IL3RA: variants seen among roughly 807,000 people sequenced by gnomAD.
The protein encoded by IL3RA is interleukin-3 receptor subunit alpha.
In IL3RA, 73 loss-of-function variants were observed where a neutral mutation model predicts 52.3. The ratio of observed to expected loss-of-function variants is 1.40; its 90% CI spans 1.16 to 1.70. The LOEUF (loss-of-function observed/expected upper bound fraction) is 1.70, where lower values mean the gene tolerates loss of function less well. Among genes scored for constraint, IL3RA ranks in the 40% most tolerant of loss-of-function variants. The pLI, the probability that IL3RA is intolerant of heterozygous loss-of-function variation, is 0.00. For synonymous variants in IL3RA, 260 were observed against 194.0 expected, an observed-to-expected ratio of 1.34 and a Z score of -2.83; for missense variants, 664 against 504.4, an observed-to-expected ratio of 1.32 and a Z score of -3.03.
rs200079536 is a variant in IL3RA at position 1,352,310 on chromosome X, C to T, written c.432-12C>T. On this transcript the variant is annotated splice_polypyrimidine_tract_variant and intron_variant, in intron 5 of 11. Coordinates refer to ENST00000331035, the MANE Select transcript of IL3RA (RefSeq NM_002183.4). ...GCGTGGGGTCGTCCCCCAACCTTAC[C>T]GCTTACCGCAGCAGGCGTCAACAGT... is the stretch of plus-strand genomic sequence containing the variant. 1.4e-4 allele frequency: 219 copies of T among 1,613,534 alleles called. No homozygotes were observed. Among genetic ancestry groups the T allele is most frequent in the Admixed American group, 1.2e-4 (7 of 59,994 alleles).
Position 1,345,318 on chromosome X carries a change from C to G in IL3RA, c.67C>G (p.Pro23Ala). 6.2e-7 allele frequency: 1 copy of G among 1,607,192 alleles called. No homozygotes were observed. The highest frequency in any genetic ancestry group is 8.5e-7 in the Non-Finnish European group (1 of 1,175,804). ...LPCLLQTKEDPNPPITNLRMK... is the reference protein window; with the variant it reads ...LPCLLQTKEDANPPITNLRMK... ...ACTCCAACCTGTCACCGTTTTAGAT[C>G]CAAACCCACCAATCACGAACCTAAG... The change falls in exon 3 of 12, where the codon CCA becomes GCA. Residue 23 changes from proline (P) to alanine (A), a missense_variant and splice_region_variant. Physicochemically the swap from Pro to Ala is conservative, Grantham distance 27. Coordinates refer to ENST00000331035, the MANE Select transcript of IL3RA (RefSeq NM_002183.4).
intron 3 of IL3RA, among the ~76,000 whole-genome samples, chrX:1,345,760 G>C (rs1164540217): frequency 1.1e-4 from 16 of 151,910 alleles, no homozygotes; most frequent in Non-Finnish European, 2.1e-4. Flanking sequence ...AAAGTGCTGG[G>C]ATTACAGGCG....
chrX:1,352,839 CCCATCATGGGTT>C (rs2086180103), intron 6 of IL3RA, among the ~76,000 whole-genome samples: 4 of 151,764 alleles, frequency 2.6e-5, no homozygotes, highest in Admixed American at 1.3e-4. Context: ...CATGGGACCC[CCCATCATGGGTT>C]CCATCATGGG....
intron 7 of IL3RA, 109 bp from the exon 8 acceptor site, chrX:1,358,752 G>T: frequency 8.6e-7 from 1 of 1,168,296 alleles, no homozygotes. Flanking sequence ...CCTTCCCAGA[G>T]CCCTCACTGT....
chrX:1,351,102 GAGGCTGAGGC>G (rs2086064251), intron 4 of IL3RA, among the ~76,000 whole-genome samples: 2 of 151,924 alleles, frequency 1.3e-5, no homozygotes, highest in Admixed American at 1.3e-4. Context: ...AGATACTTGG[GAGGCTGAGGC>G]AGGAGAATTG....
intron 9 of IL3RA, among the ~76,000 whole-genome samples, chrX:1,367,622 G>C (rs1390910491): frequency 9.3e-6 from 1 of 107,312 alleles, no homozygotes; most frequent in Non-Finnish European, 1.9e-5. Context: ...GGGTGCGCGG[G>C]GTGAGCGGGG....
chrX:1,353,272 A>G (rs111957995), intron 6 of IL3RA, among the ~76,000 whole-genome samples: 981 of 13,708 alleles, frequency 0.072, 10 homozygotes, highest in Middle Eastern at 0.17. Context: ...CTTATCATGG[A>G]TTCCATCATG....
At chrX:1,366,882 G>C (rs1176697387) in intron 9 of IL3RA, among the ~76,000 whole-genome samples, 5 of 27,286 alleles carry the variant, frequency 1.8e-4, no homozygotes, top group Non-Finnish European at 2.0e-4. Flanking sequence ...CGGGGTGAGC[G>C]GGGTGCGCGG....
chrX:1,364,618 G>A (rs1476507357), intron 8 of IL3RA, among the ~76,000 whole-genome samples: 1 of 150,796 alleles, frequency 6.6e-6, no homozygotes, highest in African/African-American at 2.4e-5. Context: ...CCAAAGACAT[G>A]TGTCACCACG....
intron 9 of IL3RA, among the ~76,000 whole-genome samples, chrX:1,377,647 G>T (rs2088867944): frequency 6.6e-6 from 1 of 151,430 alleles, no homozygotes; most frequent in African/African-American, 2.4e-5. Context: ...TAGGTTCTGG[G>T]GGTGAGGTCA....
intron 10 of IL3RA, among the ~76,000 whole-genome samples, chrX:1,380,353 A>G (rs776524128): frequency 2.3e-5 from 3 of 130,238 alleles, no homozygotes; most frequent in Non-Finnish European, 4.8e-5. Flanking sequence ...CCTGCTGGGC[A>G]TCAGAGCTTC....
At chrX:1,349,664 T>C (rs2085991774) in intron 4 of IL3RA, among the ~76,000 whole-genome samples, 1 of 151,442 alleles carries the variant, frequency 6.6e-6, no homozygotes, top group East Asian at 2.0e-4. Context: ...TTTTGTTTTG[T>C]TTTGTTTGTT....
In IL3RA at chrX:1,382,371, G is replaced by C. The variant is rs764774464; in HGVS notation, c.1063-20G>C. 1.2e-6 allele frequency: 2 copies of C among 1,610,928 alleles called. No homozygotes were observed. The highest frequency in any genetic ancestry group is 4.5e-5 in the East Asian group (2 of 44,854). ...ATCTGGGGGGTGGCCGACTCACCCT[G>C]CCTCCTCTCGTCTCTGCAGGTGGTC... is the stretch of plus-strand genomic sequence containing the variant. On this transcript the variant is annotated intron_variant, in intron 11 of 11. Coordinates refer to ENST00000331035, the MANE Select transcript of IL3RA (RefSeq NM_002183.4).
chrX:1,354,725 G>C (rs1166067712), intron 6 of IL3RA, among the ~76,000 whole-genome samples: 12 of 126,952 alleles, frequency 9.5e-5, no homozygotes, highest in Admixed American at 7.9e-4. Context: ...AGGGAAAGGA[G>C]GGGGAGGAGG....
At chrX:1,361,718 A>C (rs370275940) in intron 8 of IL3RA, among the ~76,000 whole-genome samples, 2 of 140,440 alleles carry the variant, frequency 1.4e-5, no homozygotes, top group Admixed American at 8.0e-5. Flanking sequence ...GCGCCACTGC[A>C]CTCCAGCCTG....
intron 2 of IL3RA, among the ~76,000 whole-genome samples, chrX:1,344,342 G>A (rs1209903280): frequency 6.6e-6 from 1 of 151,962 alleles, no homozygotes; most frequent in Non-Finnish European, 1.5e-5. Flanking sequence ...GCTGACACAG[G>A]ATAATCGCTT....
At chrX:1,382,318 C>T in intron 11 of IL3RA, 73 bp from the exon 12 acceptor site, 2 of 908,130 alleles carry the variant, frequency 2.2e-6, no homozygotes, top group Non-Finnish European at 3.0e-6. Flanking sequence ...TGGGACAGGC[C>T]CCCGCAGATC....
chrX:1,348,337 G>A (rs1371069656), intron 3 of IL3RA, 94 bp from the exon 4 acceptor site: 11 of 972,292 alleles, frequency 1.1e-5, no homozygotes, highest in African/African-American at 9.6e-5. Flanking sequence ...TGGGCGACGA[G>A]AGCGAAACTC....
intron 2 of IL3RA, 136 bp downstream of exon 2, chrX:1,341,965 T>C: frequency 1.1e-6 from 1 of 908,946 alleles, no homozygotes; most frequent in Non-Finnish European, 1.8e-6. Flanking sequence ...TGGTCGGGAA[T>C]GACTCAGACA....
Sources: allele counts gnomAD v4.1 joint callset (sites outside exome capture counted in the v4.1 genomes callset), GRCh38; gene constraint gnomAD v4.1.1; transcripts MANE v1.5; gene names NCBI Gene and HGNC (gene_info 2026-07-23, HGNC 2026-07-21).